Variants in C6 observed in about 807,000 individuals in gnomAD.
C6 encodes complement C6, also known as complement component C6.
Under a neutral mutation model 112.9 loss-of-function variants are expected in C6, and 101 were observed. The observed-to-expected ratio is 0.89, with a 90% CI of 0.76 to 1.06. The LOEUF (loss-of-function observed/expected upper bound fraction) is 1.06, where lower values mean the gene tolerates loss of function less well. C6 is among the 50% of genes least tolerant of loss of function. C6 has a pLI of 0.00. For missense variants in C6, 1,202 were observed against 1,104.6 expected (o/e 1.09, Z -1.25); for synonymous variants, 431 against 384.1 (o/e 1.12, Z -1.43).
At chr5:41,230,294 G>A (rs1298038864) in intron 1 of C6, among the ~76,000 whole-genome samples, 1 of 152,102 alleles carries the variant, frequency 6.6e-6, no homozygotes, top group East Asian at 1.9e-4. Flanking sequence ...TCTTCTTGCA[G>A]AGAGCCTATA....
chr5:41,174,561 C>G (rs1035106097), intron 8 of C6, among the ~76,000 whole-genome samples: 1 of 152,172 alleles, frequency 6.6e-6, no homozygotes, highest in Admixed American at 6.6e-5. Context: ...TTATGAAACT[C>G]TTTTCACCTT....
At chr5:41,146,308 T>C (rs1321168332) in intron 17 of C6, among the ~76,000 whole-genome samples, 3 of 152,230 alleles carry the variant, frequency 2.0e-5, no homozygotes, top group African/African-American at 7.2e-5. Flanking sequence ...TGAAGTTCTA[T>C]TTTAAAGTTT....
At chr5:41,177,178 C>T (rs971735694) in intron 7 of C6, among the ~76,000 whole-genome samples, 2 of 152,168 alleles carry the variant, frequency 1.3e-5, no homozygotes, top group African/African-American at 2.4e-5. Context: ...AAAAGCGTTT[C>T]GATTCTCTAG....
intron 7 of C6, among the ~76,000 whole-genome samples, chr5:41,179,021 T>A (rs967622891): frequency 6.6e-6 from 1 of 152,052 alleles, no homozygotes; most frequent in African/African-American, 2.4e-5. Flanking sequence ...GCCCGGCTAA[T>A]TTTTTGTATT....
At chr5:41,173,203 C>T (rs7703074) in intron 8 of C6, among the ~76,000 whole-genome samples, 2,342 of 152,248 alleles carry the variant, frequency 0.015, 54 homozygotes, top group African/African-American at 0.053. Context: ...TTATAACCTG[C>T]GAAAACCTTG....
At chr5:41,239,810 C>T (rs1753743666) in intron 1 of C6, among the ~76,000 whole-genome samples, 1 of 152,070 alleles carries the variant, frequency 6.6e-6, no homozygotes, top group African/African-American at 2.4e-5. Flanking sequence ...GTGATAAATT[C>T]CCTCAGTTTT....
chr5:41,239,199 C>T (rs1433524687), intron 1 of C6, among the ~76,000 whole-genome samples: 1 of 150,532 alleles, frequency 6.6e-6, no homozygotes, highest in Non-Finnish European at 1.5e-5. Flanking sequence ...TGCACCTCCA[C>T]CTCCCAGGTT....
chr5:41,233,103 T>C (rs193200322), intron 1 of C6, among the ~76,000 whole-genome samples: 35 of 152,206 alleles, frequency 2.3e-4, no homozygotes, highest in African/African-American at 8.4e-4. Context: ...TGACAACATA[T>C]TATAAACATT....
chr5:41,188,032 T>C (rs1376512956), intron 5 of C6, among the ~76,000 whole-genome samples: 1 of 152,144 alleles, frequency 6.6e-6, no homozygotes, highest in Non-Finnish European at 1.5e-5. Flanking sequence ...CCATTTATAA[T>C]AGCCTCTCAA....
chr5:41,204,859 C>T (rs767001918), intron 1 of C6, among the ~76,000 whole-genome samples: 4 of 151,708 alleles, frequency 2.6e-5, no homozygotes, highest in East Asian at 1.9e-4. Context: ...TTAGTAGAGA[C>T]GGGGTTTCAC....
intron 9 of C6, among the ~76,000 whole-genome samples, chr5:41,168,469 G>A (rs918552950): frequency 6.6e-6 from 1 of 152,136 alleles, no homozygotes; most frequent in Admixed American, 6.6e-5. Flanking sequence ...GCCCAGGAAA[G>A]CTTTACCAGG....
chr5:41,238,624 G>A (rs1468768194), intron 1 of C6, among the ~76,000 whole-genome samples: 1 of 152,124 alleles, frequency 6.6e-6, no homozygotes, highest in African/African-American at 2.4e-5. Context: ...CCAGTGTTGT[G>A]CTGACAAATG....
At chr5:41,220,686 A>G (rs1168307329) in intron 1 of C6, among the ~76,000 whole-genome samples, 1 of 152,102 alleles carries the variant, frequency 6.6e-6, no homozygotes, top group Non-Finnish European at 1.5e-5. Context: ...GGTCATTTAT[A>G]TACATTCTTT....
intron 17 of C6, among the ~76,000 whole-genome samples, chr5:41,146,981 A>G (rs1457026696): frequency 6.6e-6 from 1 of 152,174 alleles, no homozygotes; most frequent in Non-Finnish European, 1.5e-5. Flanking sequence ...TATGATAAAT[A>G]AGGAAGAATG....
intron 8 of C6, 28 bp downstream of exon 8, chr5:41,176,446 TA>T (rs1561129919): frequency 6.2e-7 from 1 of 1,610,138 alleles, no homozygotes; most frequent in Non-Finnish European, 8.5e-7. Flanking sequence ...TCATACCAGT[TA>T]AAAAGAGTGA....
chr5:41,228,094 T>A (rs1236827770), intron 1 of C6, among the ~76,000 whole-genome samples: 2 of 152,110 alleles, frequency 1.3e-5, no homozygotes, highest in African/African-American at 4.8e-5. Context: ...TTCTTCCAAT[T>A]TATAACATGG....
rs536921470 is a variant in C6, at chr5:41,176,491, C to T, written c.1152G>A (p.Glu384=). The change falls in exon 8 of 18, where the codon GAG becomes GAA. Residue 384 remains glutamate, a synonymous_variant. Transcript: ENST00000337836. ...VYDLLYQFSS[E]ELKNSGLTEE... ...GAAAGTTACCTGAGTTCTTTAGTTC[C>T]TCACTGCTAAACTGATAGAGAAGGT... The T allele has an allele frequency of 9.9e-6, 16 of 1,613,280 alleles. No individual in the cohort carries two copies. The highest frequency in any genetic ancestry group is 1.7e-5 in the Admixed American group (1 of 59,968).
At chr5:41,238,654 G>C (rs759739432) in intron 1 of C6, among the ~76,000 whole-genome samples, 6 of 152,176 alleles carry the variant, frequency 3.9e-5, no homozygotes, top group Non-Finnish European at 8.8e-5. Context: ...TGCAGCATTT[G>C]ATAATTTTTA....
At chr5:41,246,869 C>T (rs974320979) in intron 1 of C6, among the ~76,000 whole-genome samples, 3 of 152,098 alleles carry the variant, frequency 2.0e-5, no homozygotes, top group Non-Finnish European at 4.4e-5. Context: ...TACATCTTTA[C>T]CTTCTGGGGA....
Sources: allele counts gnomAD v4.1 joint callset (sites outside exome capture counted in the v4.1 genomes callset), GRCh38; gene constraint gnomAD v4.1.1; transcripts MANE v1.5; gene names NCBI Gene and HGNC (gene_info 2026-07-23, HGNC 2026-07-21).